The following KAZN variants were observed in gnomAD, a reference collection of about 807,000 sequenced individuals.
The protein encoded by KAZN is kazrin.
In KAZN, 40 loss-of-function variants were observed where a neutral mutation model predicts 87.4. The ratio of observed to expected loss-of-function variants is 0.46; its 90% CI spans 0.36 to 0.60. The LOEUF (loss-of-function observed/expected upper bound fraction) is 0.60. Among genes scored for constraint, KAZN ranks in the 20% least tolerant of loss-of-function variants. The pLI, the probability that KAZN is intolerant of heterozygous loss-of-function variation, is 0.00. For missense variants in KAZN, 898 were observed against 1,073.9 expected, an observed-to-expected ratio of 0.84 and a Z score of 2.29; for synonymous variants, 466 against 458.3, an observed-to-expected ratio of 1.02 and a Z score of -0.22.
At position 14,358,371 on chromosome 1, in the gene KAZN, C is replaced by A. The variant is rs539622638; in HGVS notation, c.249+177779C>A. Among the ~76,000 whole-genome samples the A allele has an allele frequency of 2.8e-4, 41 of 146,452 alleles. No homozygotes were observed. The East Asian group carries it at 6.6e-3, about 23-fold the overall frequency. On this transcript the variant is annotated intron_variant, in intron 2 of 16. Transcript: ENST00000636203. ...TTTGTAAATCTTTTAAAAAAAAAAA[C>A]CAGCTCAGGGATTCATTGAGTTTTT...
chr1:15,016,842 G>C (rs1480838125), intron 2 of KAZN, among the ~76,000 whole-genome samples: 2 of 152,076 alleles, frequency 1.3e-5, no homozygotes, highest in Non-Finnish European at 2.9e-5. Flanking sequence ...CCTCACACAG[G>C]TCTTCACAGA....
At chr1:14,372,109 G>T (rs1660537550) in intron 2 of KAZN, among the ~76,000 whole-genome samples, 1 of 152,136 alleles carries the variant, frequency 6.6e-6, no homozygotes, top group Non-Finnish European at 1.5e-5. Flanking sequence ...CAAGTAAAAG[G>T]AATTTTTCTG....
In KAZN at chr1:15,104,176, T is replaced by C. The variant is rs1273073009; in HGVS notation, c.2035T>C (p.Phe679Leu). Reference protein sequence around the residue: ...RHLAEEMSAVFHPANSTGIRE... With the variant: ...RHLAEEMSAVLHPANSTGIRE... ...CCTGGCAGAGGAGATGAGCGCCGTC[T>C]TCCACCCAGCCAAGTGAGCACGGGC... The change falls in exon 13 of 15, where the codon TTC becomes CTC. Residue 679 changes from phenylalanine (F) to leucine (L), a missense_variant. Phe to Leu is a conservative substitution (Grantham distance 22). Transcript: ENST00000376030. 6.3e-7 allele frequency: 1 copy of C among 1,585,156 alleles called. No individual in the cohort carries two copies. Among genetic ancestry groups the C allele is most frequent in the Non-Finnish European group, 8.6e-7 (1 of 1,166,398 alleles).
rs1055179843 is a variant in KAZN at position 14,047,946 on chromosome 1, G to A, written c.92-132489G>A. Among the ~76,000 whole-genome samples, 4 of 152,212 alleles carry A rather than the reference G, an allele frequency of 2.6e-5. 1 individual carries two copies. The highest frequency in any genetic ancestry group is 2.6e-4 in the Admixed American group (4 of 15,284). ...AAAGGAGTTTAAAACCATCAAACTG[G>A]AAGCTCCATGAAGGGACACAGAATT... On this transcript the variant is annotated intron_variant, in intron 1 of 16. Transcript: ENST00000636203.
At chr1:13,925,284 C>T (rs1640230079) in intron 1 of KAZN, among the ~76,000 whole-genome samples, 1 of 152,188 alleles carries the variant, frequency 6.6e-6, no homozygotes, top group Admixed American at 6.5e-5. Flanking sequence ...CTTTTTATGG[C>T]TGGTATAGTT....
chr1:14,415,296 A>G (rs1664658298), intron 2 of KAZN, among the ~76,000 whole-genome samples: 1 of 152,228 alleles, frequency 6.6e-6, no homozygotes, highest in Non-Finnish European at 1.5e-5. Context: ...GACAATATGT[A>G]GATTAGGCTC....
intron 2 of KAZN, among the ~76,000 whole-genome samples, chr1:14,575,099 T>C (rs1243315116): frequency 6.6e-6 from 1 of 152,034 alleles, no homozygotes; most frequent in Non-Finnish European, 1.5e-5. Flanking sequence ...ATCCTAAAGA[T>C]ATTAAGGATC....
At chr1:14,537,286 G>A (rs1032837039) in intron 2 of KAZN, among the ~76,000 whole-genome samples, 1 of 152,120 alleles carries the variant, frequency 6.6e-6, no homozygotes, top group Non-Finnish European at 1.5e-5. Flanking sequence ...CCAGCAAAAC[G>A]TTGAGCAATG....
chr1:13,951,282 A>C (rs915693461), intron 1 of KAZN, among the ~76,000 whole-genome samples: 1 of 152,100 alleles, frequency 6.6e-6, no homozygotes, highest in Non-Finnish European at 1.5e-5. Context: ...TCCAAGTTCA[A>C]ATCCTGGATC....
intron 1 of KAZN, among the ~76,000 whole-genome samples, chr1:14,841,182 C>T (rs1647932220): frequency 6.6e-6 from 1 of 151,558 alleles, no homozygotes; most frequent in Admixed American, 6.6e-5. Context: ...CTTTGGGAGG[C>T]CAAGGCGGGT....
chr1:14,548,468 C>G (rs7543183), intron 2 of KAZN, among the ~76,000 whole-genome samples: 145,797 of 152,262 alleles, frequency 0.96, 70,129 homozygotes, highest in East Asian at 1. Flanking sequence ...AAAAGTGCTG[C>G]GATTACAGGC....
chr1:15,022,337 T>C (rs1670759286), intron 2 of KAZN, among the ~76,000 whole-genome samples: 1 of 152,146 alleles, frequency 6.6e-6, no homozygotes, highest in Non-Finnish European at 1.5e-5. Context: ...CCTCTCTGGC[T>C]GTTAGGCAGT....
At chr1:14,601,194 C>T (rs1676945153) in intron 1 of KAZN, among the ~76,000 whole-genome samples, 1 of 152,158 alleles carries the variant, frequency 6.6e-6, no homozygotes, top group African/African-American at 2.4e-5. Context: ...CCTCTTTGTA[C>T]ATTGGTATGT....
intron 1 of KAZN, among the ~76,000 whole-genome samples, chr1:14,672,731 A>G (rs4661296): frequency 8.8e-4 from 134 of 152,182 alleles, no homozygotes; most frequent in Admixed American, 2.9e-3. Context: ...CCCAGACCCC[A>G]TTGCAGGATT....
At chr1:14,236,495 A>C (rs968552939) in intron 2 of KAZN, among the ~76,000 whole-genome samples, 3 of 152,176 alleles carry the variant, frequency 2.0e-5, no homozygotes, top group Non-Finnish European at 4.4e-5. Flanking sequence ...GCTGCTCCTC[A>C]AATGCAGGCT....
intron 1 of KAZN, among the ~76,000 whole-genome samples, chr1:14,688,053 A>G (rs76621738): frequency 2.0e-3 from 301 of 152,210 alleles, no homozygotes; most frequent in African/African-American, 7.0e-3. Flanking sequence ...CACGCCAGTC[A>G]TAGTTTGGCT....
chr1:15,023,386 A>G (rs1292090338), intron 2 of KAZN, among the ~76,000 whole-genome samples: 2 of 152,186 alleles, frequency 1.3e-5, no homozygotes, highest in Non-Finnish European at 1.5e-5. Flanking sequence ...GCATGTTTGA[A>G]TAAAGAGGAG....
chr1:14,936,735 G>C (rs1352761504), intron 1 of KAZN, among the ~76,000 whole-genome samples: 2 of 152,092 alleles, frequency 1.3e-5, no homozygotes, highest in Non-Finnish European at 2.9e-5. Flanking sequence ...TCTGGAAGAG[G>C]GTTTTTTTCT....
chr1:13,958,144 T>A (rs910565429), intron 1 of KAZN, among the ~76,000 whole-genome samples: 17 of 152,172 alleles, frequency 1.1e-4, no homozygotes, highest in Admixed American at 9.8e-4. Flanking sequence ...ACCAAAACCA[T>A]GATGTGTGTG....
Sources: allele counts gnomAD v4.1 joint callset (sites outside exome capture counted in the v4.1 genomes callset), GRCh38; gene constraint gnomAD v4.1.1; transcripts MANE v1.5; gene names NCBI Gene and HGNC (gene_info 2026-07-23, HGNC 2026-07-21).